Variants in CPPED1 observed in about 807,000 individuals in gnomAD.
CPPED1 encodes the protein calcineurin like phosphoesterase domain containing 1.
A neutral mutation model predicts 28.0 loss-of-function variants in CPPED1; 28 were observed. That is an observed-to-expected ratio of 1.00 (90% confidence interval 0.74 to 1.37). The LOEUF (loss-of-function observed/expected upper bound fraction) is 1.37, where lower values mean the gene tolerates loss of function less well. CPPED1 is among the 40% of genes most tolerant of loss of function. CPPED1 has a pLI of 0.00. For missense variants in CPPED1, 504 were observed against 416.5 expected, an observed-to-expected ratio of 1.21 and a Z score of -1.83; for synonymous variants, 198 against 180.2, an observed-to-expected ratio of 1.10 and a Z score of -0.79.
chr16:12,682,791 T>C lies in CPPED1; in HGVS notation c.716-17676A>G. Among the ~76,000 whole-genome samples, 1 of 152,080 alleles carries C rather than the reference T, an allele frequency of 6.6e-6. No homozygotes were observed. The highest frequency in any genetic ancestry group is 1.9e-4 in the East Asian group (1 of 5,204). On this transcript the variant is annotated intron_variant, in intron 3 of 3. Transcript: ENST00000381774. The surrounding 1 kb of genome is among the most constrained non-coding windows in gnomAD (Gnocchi z 6.1). The stretch of plus-strand genomic sequence containing the variant: ...TTTTCATTTGCACAAATTACATCTT[T>C]CTCACTATTCATAATTTCCTCTTTA...
chr16:12,673,157 G>A (rs1231785354), intron 3 of CPPED1, among the ~76,000 whole-genome samples: 1 of 152,220 alleles, frequency 6.6e-6, no homozygotes, highest in Non-Finnish European at 1.5e-5. Context: ...GGACTGCTGG[G>A]TTGGGCGCCT....
intron 1 of CPPED1, among the ~76,000 whole-genome samples, chr16:12,791,952 G>C (rs553747347): frequency 1.3e-5 from 2 of 151,090 alleles, no homozygotes; most frequent in African/African-American, 2.5e-5. Context: ...TCTTCCAGCG[G>C]TATCTTTTTT....
intron 2 of CPPED1, among the ~76,000 whole-genome samples, chr16:12,732,197 C>T (rs1477003926): frequency 2.0e-5 from 3 of 148,336 alleles, no homozygotes; most frequent in Non-Finnish European, 4.5e-5. Context: ...CTGCATTAAT[C>T]AACCAATTAC....
chr16:12,794,503 G>A (rs138403238), intron 1 of CPPED1, among the ~76,000 whole-genome samples: 1 of 126,900 alleles, frequency 7.9e-6, no homozygotes, highest in African/African-American at 3.1e-5. Flanking sequence ...ATCCTCAAGA[G>A]TCTCCAAATG....
intron 2 of CPPED1, among the ~76,000 whole-genome samples, chr16:12,712,445 T>C (rs918677728): frequency 1.3e-5 from 2 of 152,222 alleles, no homozygotes; most frequent in East Asian, 1.9e-4. Flanking sequence ...AGCAGTTCCA[T>C]TTATCAGCCT....
At chr16:12,681,549 T>G (rs931721441) in intron 3 of CPPED1, among the ~76,000 whole-genome samples, 1 of 152,136 alleles carries the variant, frequency 6.6e-6, no homozygotes, top group Admixed American at 6.5e-5. Flanking sequence ...TGATTAACGA[T>G]TCACAAAAAT....
intron 2 of CPPED1, among the ~76,000 whole-genome samples, chr16:12,708,150 A>G (rs2141189319): frequency 6.6e-6 from 1 of 151,644 alleles, no homozygotes; most frequent in Middle Eastern, 3.4e-3. Flanking sequence ...CTGTCTCAAA[A>G]AAATTATTTA....
chr16:12,739,789 G>A (rs1460784425), intron 2 of CPPED1, among the ~76,000 whole-genome samples: 1 of 152,118 alleles, frequency 6.6e-6, no homozygotes, highest in Non-Finnish European at 1.5e-5. Context: ...AATTGGCTGG[G>A]GGATTCCAGG....
intron 3 of CPPED1, among the ~76,000 whole-genome samples, chr16:12,673,289 T>C (rs2079861854): frequency 6.6e-6 from 1 of 152,198 alleles, no homozygotes; most frequent in South Asian, 2.1e-4. Context: ...GTAGCTCAAA[T>C]GGGACCGCGT....
intron 3 of CPPED1, among the ~76,000 whole-genome samples, chr16:12,687,712 G>T (rs1297635060): frequency 6.6e-6 from 1 of 152,112 alleles, no homozygotes; most frequent in African/African-American, 2.4e-5. Context: ...CCACAACCCT[G>T]ACTGGAATAG....
At position 12,662,139 on chromosome 16, in the gene CPPED1, A is replaced by G. The variant is rs1282280285; in HGVS notation, c.*2747T>C. 1 of 152,220 alleles carries G rather than the reference A, an allele frequency of 6.6e-6. No homozygotes were observed. Among genetic ancestry groups the G allele is most frequent in the Non-Finnish European group, 1.5e-5 (1 of 68,048 alleles). 9.4% of individuals were successfully genotyped at this position (152,220 alleles called of 1,614,324 possible). A position where few individuals can be genotyped will look rare whatever the true frequency, so the allele number is the denominator to read the frequency against. ...ACACATAATAAACATTCAAAACCAT[A>G]GCACTTAGAATCAGGAAGTCCTTTT... On this transcript the variant is annotated 3_prime_UTR_variant, in exon 4 of 4. Transcript: ENST00000381774.
At chr16:12,707,381 C>T (rs948099861) in intron 2 of CPPED1, among the ~76,000 whole-genome samples, 2 of 152,158 alleles carry the variant, frequency 1.3e-5, no homozygotes, top group Admixed American at 6.5e-5. Context: ...CCTCTGGACA[C>T]CCAGTGGAGG....
intron 2 of CPPED1, among the ~76,000 whole-genome samples, chr16:12,751,478 T>A (rs1435508734): frequency 2.0e-5 from 3 of 152,234 alleles, no homozygotes; most frequent in Non-Finnish European, 4.4e-5. Context: ...AAAGTCCTTT[T>A]GCTACTGACC....
intron 1 of CPPED1, among the ~76,000 whole-genome samples, chr16:12,786,094 G>A (rs1192315545): frequency 6.6e-6 from 1 of 152,216 alleles, no homozygotes; most frequent in Non-Finnish European, 1.5e-5. Context: ...GAGGGACAAG[G>A]TGAGGGTTAC....
At chr16:12,776,515 T>G (rs2080498757) in intron 2 of CPPED1, among the ~76,000 whole-genome samples, 1 of 151,806 alleles carries the variant, frequency 6.6e-6, no homozygotes, top group Admixed American at 6.6e-5. Context: ...ACTGGGGGGG[T>G]TCTTTCTCAT....
intron 2 of CPPED1, 68 bp downstream of exon 2, chr16:12,781,117 T>C: frequency 1.4e-6 from 2 of 1,437,604 alleles, no homozygotes; most frequent in South Asian, 2.4e-5. Context: ...AATCTTTTTT[T>C]CTCCTGCCCA....
chr16:12,792,761 C>G (rs866747061), intron 1 of CPPED1, among the ~76,000 whole-genome samples: 1 of 152,190 alleles, frequency 6.6e-6, no homozygotes, highest in Non-Finnish European at 1.5e-5. Context: ...CCCCTGCACA[C>G]GCTCTCTTGC....
chr16:12,768,028 T>C (rs2080449347), intron 2 of CPPED1, among the ~76,000 whole-genome samples: 1 of 152,188 alleles, frequency 6.6e-6, no homozygotes, highest in Non-Finnish European at 1.5e-5. Context: ...GAAAGTTTCA[T>C]AAAAATTTTC....
intron 2 of CPPED1, among the ~76,000 whole-genome samples, chr16:12,778,026 C>T (rs190031051): frequency 2.6e-5 from 4 of 151,562 alleles, no homozygotes; most frequent in Admixed American, 6.6e-5. Context: ...TCTCCTTCCT[C>T]AATCTCCCAA....
Sources: allele counts gnomAD v4.1 joint callset (sites outside exome capture counted in the v4.1 genomes callset), GRCh38; gene constraint gnomAD v4.1.1; non-coding constraint Gnocchi (gnomAD v3.1); transcripts MANE v1.5; gene names NCBI Gene and HGNC (gene_info 2026-07-23, HGNC 2026-07-21).